ZP3: variants seen among roughly 807,000 people sequenced by gnomAD.
ZP3 encodes zona pellucida sperm-binding protein 3.
ZP3 carries 21 observed loss-of-function variants against 35.6 expected under a neutral mutation model. The observed-to-expected ratio is 0.59, with a 90% CI of 0.42 to 0.85. The LOEUF (loss-of-function observed/expected upper bound fraction) is 0.85. Among genes scored for constraint, ZP3 ranks in the 40% least tolerant of loss-of-function variants. The pLI is 0.00. For synonymous variants in ZP3, 207 were observed against 214.5 expected, an observed-to-expected ratio of 0.96 and a Z score of 0.31; for missense variants, 437 against 536.5, an observed-to-expected ratio of 0.81 and a Z score of 1.83.
rs148332045 is a variant in ZP3 at position 76,429,756 on chromosome 7, T to TGCA, written c.431+126_431+128dup. ...TATTAGAACTACCTACCGAAGCATT[T>TGCA]GCAGCTGTGGTTACTGTACTGCGTG... On this transcript the variant is annotated intron_variant, in intron 2 of 7. Transcript: ENST00000394857. The TGCA allele has an allele frequency of 0.012, 10,110 of 833,040 alleles. 588 individuals carry two copies. The East Asian group carries it at 0.14, about 12-fold the overall frequency. 51.6% of individuals were successfully genotyped at this position (833,040 alleles called of 1,614,324 possible).
intron 1 of ZP3, among the ~76,000 whole-genome samples, chr7:76,412,197 A>G (rs967640927): frequency 1.3e-5 from 2 of 151,784 alleles, no homozygotes; most frequent in Non-Finnish European, 2.9e-5. Flanking sequence ...CAAAAAAAAA[A>G]AAAAAGAAAA....
chr7:76,398,793 G>T, intron 1 of ZP3: 2 of 1,612,372 alleles, frequency 1.2e-6, no homozygotes, highest in Non-Finnish European at 1.7e-6. Context: ...GCGTTGGCAA[G>T]AATTCTGGAA....
intron 1 of ZP3, among the ~76,000 whole-genome samples, chr7:76,405,311 A>G (rs1174265893): frequency 2.2e-5 from 1 of 45,236 alleles, no homozygotes; most frequent in Admixed American, 2.4e-4. Context: ...ATATATATAT[A>G]TATATGTATT....
intron 5 of ZP3, 181 bp from the exon 6 acceptor site, chr7:76,440,069 A>G (rs1387262929): frequency 1.9e-6 from 2 of 1,078,610 alleles, no homozygotes; most frequent in Non-Finnish European, 2.6e-6. Flanking sequence ...TTGGTCTCGA[A>G]CTCCTGACCT....
intron 2 of ZP3, among the ~76,000 whole-genome samples, chr7:76,431,946 C>T (rs1445648865): frequency 1.3e-5 from 2 of 151,676 alleles, no homozygotes; most frequent in Non-Finnish European, 2.9e-5. Context: ...TCTCAAGCAT[C>T]CTGTGGAGTA....
chr7:76,435,826 C>A (rs528058840), intron 5 of ZP3, among the ~76,000 whole-genome samples: 18 of 146,902 alleles, frequency 1.2e-4, no homozygotes, highest in South Asian at 8.4e-4. Flanking sequence ...CCTCCGGGTG[C>A]AAGCAATTCT....
chr7:76,411,975 T>C (rs10233536), intron 1 of ZP3, among the ~76,000 whole-genome samples: 5,829 of 152,144 alleles, frequency 0.038, 215 homozygotes, highest in East Asian at 0.12. Flanking sequence ...GGAGGATCAC[T>C]TGAGCCCAGG....
intron 1 of ZP3, among the ~76,000 whole-genome samples, chr7:76,405,274 TATATATATATATATATA>T (rs1804964528): frequency 5.2e-4 from 11 of 21,248 alleles, no homozygotes; most frequent in African/African-American, 1.6e-3. Flanking sequence ...CAGCTAATTA[TATATATATATATATATA>T]TATATATATA....
intron 5 of ZP3, among the ~76,000 whole-genome samples, chr7:76,437,661 ATT>A (rs3972771): frequency 0.17 from 22,421 of 128,310 alleles, 14 homozygotes; most frequent in Middle Eastern, 0.3. Flanking sequence ...TAATTTCTGT[ATT>A]TTTTTTTTTT....
upstream of ZP3, among the ~76,000 whole-genome samples, chr7:76,424,494 T>G (rs1805592296): frequency 6.6e-6 from 1 of 152,078 alleles, no homozygotes; most frequent in Non-Finnish European, 1.5e-5. Flanking sequence ...CCAGGCGCGG[T>G]GGCGCATGCC....
At chr7:76,420,931 C>T (rs62476850), upstream of ZP3, among the ~76,000 whole-genome samples, 1 of 137,446 alleles carries the variant, frequency 7.3e-6, no homozygotes. Flanking sequence ...GTGTGTGTGT[C>T]TCCACTTTTT....
exon 1 of ZP3, chr7:76,397,679 A>G (rs775764139): frequency 6.2e-7 from 1 of 1,613,236 alleles, no homozygotes; most frequent in Non-Finnish European, 8.5e-7. Flanking sequence ...GGTGGCGGCC[A>G]TGGCCGCCCC....
chr7:76,436,107 A>G (rs1805999365), intron 5 of ZP3, among the ~76,000 whole-genome samples: 1 of 118,074 alleles, frequency 8.5e-6, no homozygotes, highest in African/African-American at 3.3e-5. Context: ...GCTGGAGTAC[A>G]GTGGCCCAAT....
At chr7:76,410,165 G>T (rs60267175) in intron 1 of ZP3, among the ~76,000 whole-genome samples, 6,394 of 151,882 alleles carry the variant, frequency 0.042, 222 homozygotes, top group East Asian at 0.13. Flanking sequence ...CCGAGTACCT[G>T]GGATTACAGG....
At chr7:76,401,719 G>T (rs539763972) in intron 1 of ZP3, among the ~76,000 whole-genome samples, 15 of 152,268 alleles carry the variant, frequency 9.9e-5, no homozygotes, top group Admixed American at 5.9e-4. Flanking sequence ...ACCTAGGCAA[G>T]AGCTTTTTTC....
chr7:76,417,143 C>T (rs58646882), intron 1 of ZP3, among the ~76,000 whole-genome samples: 8,286 of 151,638 alleles, frequency 0.055, 285 homozygotes, highest in East Asian at 0.13. Context: ...CCCCAACCTC[C>T]GCCTCCCAGG....
At chr7:76,416,657 G>C in intron 1 of ZP3, among the ~76,000 whole-genome samples, 1 of 151,704 alleles carries the variant, frequency 6.6e-6, no homozygotes, top group South Asian at 2.1e-4. Context: ...AAAATAGCTG[G>C]GTGTACTGGC....
upstream of ZP3, among the ~76,000 whole-genome samples, chr7:76,424,123 A>T (rs2052919355): frequency 6.6e-6 from 1 of 152,112 alleles, no homozygotes; most frequent in Admixed American, 6.6e-5. Flanking sequence ...CTTATGTCTC[A>T]GATCTAATCC....
At chr7:76,408,397 A>G (rs1805117251) in intron 1 of ZP3, among the ~76,000 whole-genome samples, 2 of 152,090 alleles carry the variant, frequency 1.3e-5, no homozygotes, top group South Asian at 4.1e-4. Flanking sequence ...AGGAGGGGGA[A>G]AGACACAGTC....
Sources: gnomAD v4.1 joint callset for allele counts (sites outside exome capture counted in the v4.1 genomes callset) on GRCh38, gnomAD v4.1.1 for gene constraint, MANE v1.5 for transcripts, NCBI Gene and HGNC (gene_info 2026-07-23, HGNC 2026-07-21) for gene names.